TMEFF2: variants seen among roughly 807,000 people sequenced by gnomAD.
The protein encoded by TMEFF2 is tomoregulin-2.
In TMEFF2, 28 loss-of-function variants were observed where a neutral mutation model predicts 53.8. That is an observed-to-expected ratio of 0.52 (90% CI 0.39 to 0.71). The LOEUF (loss-of-function observed/expected upper bound fraction) is 0.71. TMEFF2 is among the 30% of genes least tolerant of loss of function. The pLI, the probability that TMEFF2 is intolerant of heterozygous loss-of-function variation, is 0.00. For synonymous variants in TMEFF2, 162 were observed against 166.3 expected, an observed-to-expected ratio of 0.97 and a Z score of 0.20; for missense variants, 353 against 455.2, an observed-to-expected ratio of 0.78 and a Z score of 2.04.
At chr2:191,995,462 C>T (rs1686201848) in intron 7 of TMEFF2, among the ~76,000 whole-genome samples, 1 of 151,992 alleles carries the variant, frequency 6.6e-6, no homozygotes, top group Non-Finnish European at 1.5e-5. Flanking sequence ...ATTAAATGAG[C>T]TGTGAGCACA....
intron 4 of TMEFF2, among the ~76,000 whole-genome samples, chr2:192,169,720 A>T (rs1345748509): frequency 1.3e-5 from 2 of 152,082 alleles, no homozygotes; most frequent in East Asian, 3.9e-4. Context: ...GAGGGTCTGA[A>T]GATATAGATC....
intron 4 of TMEFF2, among the ~76,000 whole-genome samples, chr2:192,085,906 T>C (rs1390258395): frequency 6.6e-6 from 1 of 152,136 alleles, no homozygotes; most frequent in Non-Finnish European, 1.5e-5. Context: ...TATATTCATA[T>C]AGACAGGATT....
intron 4 of TMEFF2, among the ~76,000 whole-genome samples, chr2:192,144,755 C>G (rs1690210987): frequency 6.6e-6 from 1 of 151,962 alleles, no homozygotes; most frequent in Non-Finnish European, 1.5e-5. Context: ...CTTTTTCAAA[C>G]AGAAGATAAT....
chr2:192,048,771 C>T (rs927105920), intron 5 of TMEFF2, among the ~76,000 whole-genome samples: 5 of 152,284 alleles, frequency 3.3e-5, no homozygotes, highest in Admixed American at 3.3e-4. Flanking sequence ...CTTTGGCTCA[C>T]AGTCAGGGTT....
chr2:191,967,563 G>A (rs1692505333), intron 7 of TMEFF2, among the ~76,000 whole-genome samples: 1 of 152,114 alleles, frequency 6.6e-6, no homozygotes, highest in Admixed American at 6.6e-5. Context: ...GCCTGGATCT[G>A]TCTTTTAAAA....
intron 5 of TMEFF2, among the ~76,000 whole-genome samples, chr2:192,026,770 T>C (rs750108752): frequency 3.3e-5 from 5 of 152,218 alleles, no homozygotes; most frequent in Non-Finnish European, 7.3e-5. Flanking sequence ...TGAAAGCTTA[T>C]GCATTGTGGG....
intron 4 of TMEFF2, among the ~76,000 whole-genome samples, chr2:192,119,081 G>T (rs996825950): frequency 2.0e-5 from 3 of 152,102 alleles, no homozygotes; most frequent in African/African-American, 7.2e-5. Flanking sequence ...AACTTTTTCT[G>T]TAAGAAGCCA....
intron 5 of TMEFF2, among the ~76,000 whole-genome samples, chr2:192,018,947 TAATATTATTATAC>T (rs1686801476): frequency 6.6e-6 from 1 of 152,080 alleles, no homozygotes; most frequent in Middle Eastern, 3.2e-3. Flanking sequence ...ACAATCATAT[TAATATTATTATAC>T]AATATTATTA....
At chr2:192,186,213 T>C (rs1691307600) in intron 2 of TMEFF2, among the ~76,000 whole-genome samples, 1 of 152,202 alleles carries the variant, frequency 6.6e-6, no homozygotes, top group African/African-American at 2.4e-5. Context: ...GATTAGGTGA[T>C]ACCTGTGTAA....
At chr2:191,950,476 G>T (rs1205177952) in intron 9 of TMEFF2, 69 bp from the exon 10 acceptor site, 1 of 1,593,182 alleles carries the variant, frequency 6.3e-7, no homozygotes, top group Non-Finnish European at 8.6e-7. Context: ...TACAATCACA[G>T]AATAAAGATG....
chr2:192,073,774 CT>C (rs1688346981), intron 4 of TMEFF2, among the ~76,000 whole-genome samples: 1 of 151,882 alleles, frequency 6.6e-6, no homozygotes, highest in Non-Finnish European at 1.5e-5. Flanking sequence ...ATTCCTTCAC[CT>C]TTTAAGAAAC....
chr2:192,105,630 G>C (rs776059484), intron 4 of TMEFF2, among the ~76,000 whole-genome samples: 2 of 151,892 alleles, frequency 1.3e-5, no homozygotes, highest in African/African-American at 2.4e-5. Context: ...GAACTAGAAA[G>C]CTTCTTTAAT....
chr2:192,022,956 C>A lies in TMEFF2; in HGVS notation c.537-23748G>T, dbSNP rs929807571. On this transcript the variant is annotated intron_variant, in intron 5 of 9. Transcript: ENST00000272771. Reference sequence around the variant, plus strand: ...CACACTAAGTATTATGTTTGATTTCCTTTTGTTATGAAGTATGGAAGATAG... The same window carrying A: ...CACACTAAGTATTATGTTTGATTTCATTTTGTTATGAAGTATGGAAGATAG... Among the ~76,000 whole-genome samples, 11 of 152,084 alleles carry A rather than the reference C, an allele frequency of 7.2e-5. 1 individual carries two copies. In the South Asian group the frequency reaches 1.9e-3, roughly 26 times the overall value.
At chr2:192,164,578 A>C (rs1272677771) in intron 4 of TMEFF2, among the ~76,000 whole-genome samples, 2 of 152,080 alleles carry the variant, frequency 1.3e-5, no homozygotes, top group African/African-American at 4.8e-5. Flanking sequence ...AAATACAAAA[A>C]TTAGCTGGGC....
chr2:191,949,337 A>G lies in TMEFF2; in HGVS notation c.*974T>C. 1 of 985,390 alleles carries G rather than the reference A, an allele frequency of 1.0e-6. No individual in the cohort carries two copies. The highest frequency in any genetic ancestry group is 1.2e-6 in the Non-Finnish European group (1 of 829,916). 61.0% of individuals were successfully genotyped at this position (985,390 alleles called of 1,614,324 possible). A position where few individuals can be genotyped will look rare whatever the true frequency, so the allele number is the denominator to read the frequency against. On this transcript the variant is annotated 3_prime_UTR_variant, in exon 10 of 10. Transcript: ENST00000272771. ...GTTTTCATGAAATATCGTCATCATC[A>G]TCTTAGTTCCATTACAAATTATGGT...
chr2:192,075,296 T>A (rs958942332), intron 4 of TMEFF2, among the ~76,000 whole-genome samples: 26 of 32,946 alleles, frequency 7.9e-4, no homozygotes, highest in Admixed American at 1.4e-3. Flanking sequence ...TATATATATA[T>A]ATATATATAT....
intron 4 of TMEFF2, among the ~76,000 whole-genome samples, chr2:192,174,654 G>A (rs1008565014): frequency 1.3e-4 from 20 of 151,732 alleles, no homozygotes; most frequent in African/African-American, 4.6e-4. Flanking sequence ...AAAGAGGATA[G>A]TTTCTGCTTT....
At chr2:192,112,423 G>A (rs1689303455) in intron 4 of TMEFF2, among the ~76,000 whole-genome samples, 1 of 152,086 alleles carries the variant, frequency 6.6e-6, no homozygotes, top group Non-Finnish European at 1.5e-5. Flanking sequence ...CCTTTGTTTT[G>A]ACCAATTTCT....
intron 5 of TMEFF2, among the ~76,000 whole-genome samples, chr2:192,019,132 C>T (rs1686806197): frequency 1.3e-5 from 2 of 151,892 alleles, no homozygotes; most frequent in Admixed American, 6.6e-5. Flanking sequence ...CTGCCACTAT[C>T]GCAATATATT....
Sources: allele counts gnomAD v4.1 joint callset (sites outside exome capture counted in the v4.1 genomes callset), GRCh38; gene constraint gnomAD v4.1.1; transcripts MANE v1.5; gene names NCBI Gene and HGNC (gene_info 2026-07-23, HGNC 2026-07-21).